AMPD3: variants seen among roughly 807,000 people sequenced by gnomAD.
AMPD3 encodes AMP deaminase 3.
A neutral mutation model predicts 82.3 loss-of-function variants in AMPD3; 57 were observed. That is an observed-to-expected ratio of 0.69 (90% CI 0.56 to 0.86). AMPD3 has a LOEUF of 0.86. Ranked by LOEUF, AMPD3 falls within the 40% of genes least tolerant of loss-of-function variation. The pLI is 0.00. For missense variants in AMPD3, 870 were observed against 1,003.8 expected (o/e 0.87, Z 1.80); for synonymous variants, 381 against 394.7 (o/e 0.97, Z 0.41).
intron 12 of AMPD3, 131 bp from the exon 13 acceptor site, chr11:10,502,590 G>C (rs1254298748): frequency 6.3e-7 from 1 of 1,591,066 alleles, no homozygotes; most frequent in Non-Finnish European, 8.5e-7. Context: ...AACTCGGGTT[G>C]AGGACTTGGG....
At chr11:10,467,264 C>T (rs1389008787) in intron 2 of AMPD3, among the ~76,000 whole-genome samples, 4 of 151,888 alleles carry the variant, frequency 2.6e-5, no homozygotes, top group African/African-American at 9.7e-5. Flanking sequence ...AAGATAAGAA[C>T]CTTGAAAAAA....
upstream of AMPD3, among the ~76,000 whole-genome samples, chr11:10,452,171 G>T (rs1847979158): frequency 6.7e-6 from 1 of 148,494 alleles, no homozygotes; most frequent in African/African-American, 2.4e-5. Flanking sequence ...GAGAGATGAG[G>T]TTTTTTGTAG....
Position 10,478,617 on chromosome 11 carries a change from G to A in AMPD3, c.313G>A (p.Ala105Thr). 1 of 1,614,212 alleles carries A rather than the reference G, an allele frequency of 6.2e-7. No individual in the cohort carries two copies. The highest frequency in any genetic ancestry group is 8.5e-7 in the Non-Finnish European group (1 of 1,180,036). The part of the protein sequence containing the change: ...DWKGPPAASP[A>T]MSPTTPVVTG... ...GAAGGGCCCCCCGGCAGCCAGTCCGGCCATGTCTCCCACAACCCCTGTGGT... is the reference window on the plus strand; with the variant it reads ...GAAGGGCCCCCCGGCAGCCAGTCCGACCATGTCTCCCACAACCCCTGTGGT... The change falls in exon 3 of 15, where the codon GCC becomes ACC. Residue 105 changes from alanine (A) to threonine (T), a missense_variant. Coordinates refer to ENST00000396553, the MANE Select transcript of AMPD3 (RefSeq NM_001025389.2).
intron 12 of AMPD3, 26 bp downstream of exon 12, chr11:10,501,616 G>C (rs768503099): frequency 6.2e-7 from 1 of 1,614,050 alleles, no homozygotes; most frequent in East Asian, 2.2e-5. Flanking sequence ...TCGGGAGCCC[G>C]TCCTGAGTGA....
In AMPD3 at chr11:10,478,615, C is replaced by T. The variant is rs770661067; in HGVS notation, c.311C>T (p.Pro104Leu). ...QDWKGPPAAS[P>L]AMSPTTPVVT... ...TGGAAGGGCCCCCCGGCAGCCAGTC[C>T]GGCCATGTCTCCCACAACCCCTGTG... The change falls in exon 3 of 15, where the codon CCG becomes CTG. Residue 104 changes from proline to leucine, a missense_variant. By Grantham distance (98) the Pro-to-Leu change is moderately conservative. Transcript: ENST00000396553. The T allele has an allele frequency of 1.1e-5, 17 of 1,614,228 alleles. No individual in the cohort carries two copies. The highest frequency in any genetic ancestry group is 2.2e-5 in the East Asian group (1 of 44,878).
At chr11:10,493,958 A>G (rs1389696319) in intron 7 of AMPD3, among the ~76,000 whole-genome samples, 2 of 152,256 alleles carry the variant, frequency 1.3e-5, no homozygotes, top group Admixed American at 6.5e-5. Context: ...AGAATTACCT[A>G]TGCCTCAGCA....
At chr11:10,471,596 C>T (rs944624643) in intron 2 of AMPD3, among the ~76,000 whole-genome samples, 2 of 152,180 alleles carry the variant, frequency 1.3e-5, no homozygotes, top group Non-Finnish European at 2.9e-5. Context: ...AGAACTTAAA[C>T]AAATTTACAA....
In AMPD3 at chr11:10,490,618, G is replaced by A. The variant is rs1387170506; in HGVS notation, c.940-2731G>A. On this transcript the variant is annotated intron_variant, in intron 6 of 14. Coordinates refer to ENST00000396553, the MANE Select transcript of AMPD3 (RefSeq NM_001025389.2). ...TTGTTCCTAAAATAATCACCCTTGAGTTCTGAAGTTTGGATGGGGTGCTTC... is the reference window on the plus strand; with the variant it reads ...TTGTTCCTAAAATAATCACCCTTGAATTCTGAAGTTTGGATGGGGTGCTTC... 23 of 985,270 alleles carry A rather than the reference G, an allele frequency of 2.3e-5. No individual in the cohort carries two copies. The Middle Eastern group carries it at 3.1e-3, about 133-fold the overall frequency. 61.0% of individuals were successfully genotyped at this position (985,270 alleles called of 1,614,324 possible).
rs76099914 is a variant in AMPD3, at chr11:10,465,284, A to G, written c.221+3544A>G. ...CACACCTCTGAGATCATAACTGGAT[A>G]ATACAGTGATGATCCTGGGTCATTG... On this transcript the variant is annotated intron_variant, in intron 2 of 14. Coordinates refer to ENST00000396553, the MANE Select transcript of AMPD3 (RefSeq NM_001025389.2). 8.1e-3 allele frequency among the ~76,000 whole-genome samples: 1,231 copies of G among 152,360 alleles called. 20 individuals carry two copies. Among genetic ancestry groups the G allele is most frequent in the African/African-American group, 0.028 (1,170 of 41,582 alleles).
chr11:10,500,145 C>T lies in AMPD3; in HGVS notation c.1617C>T (p.Asp539=), dbSNP rs769149833. The T allele has an allele frequency of 8.1e-6, 13 of 1,614,098 alleles. No individual in the cohort carries two copies. Among genetic ancestry groups the T allele is most frequent in the Middle Eastern group, 1.6e-4 (1 of 6,084 alleles). Residue 539 remains aspartate (D), a synonymous_variant, in exon 11 of 15, where the codon GAC becomes GAT. Coordinates refer to ENST00000396553, the MANE Select transcript of AMPD3 (RefSeq NM_001025389.2). ...AGCACAGCGACCACATGTTTTCCGA[C>T]AAGAGCCCAAACCCGGACGTCTGGA... ...ESKHSDHMFS[D]KSPNPDVWTS... is the part of the protein sequence containing the mutation.
intron 13 of AMPD3, chr11:10,504,288 T>G: frequency 1.1e-6 from 1 of 916,986 alleles, no homozygotes; most frequent in Non-Finnish European, 1.3e-6. Flanking sequence ...CCCTGATGAC[T>G]GGCACAGGGT....
chr11:10,462,714 TG>T (rs903220882), intron 2 of AMPD3, among the ~76,000 whole-genome samples: 1 of 151,572 alleles, frequency 6.6e-6, no homozygotes, highest in Non-Finnish European at 1.5e-5. Flanking sequence ...AAGGATGAGA[TG>T]GGGTTAGGGG....
chr11:10,468,670 C>A (rs991287320), intron 2 of AMPD3, among the ~76,000 whole-genome samples: 1 of 151,388 alleles, frequency 6.6e-6, no homozygotes, highest in Non-Finnish European at 1.5e-5. Context: ...AAGCTCCAAC[C>A]CAAATCAACA....
chr11:10,477,957 C>T lies in AMPD3; in HGVS notation c.222-569C>T, dbSNP rs903145457. ...TAGTCCACGGTCCTGAGCACTGTCT[C>T]GACTCCTTTGTAAAACAAGGAGATT... On this transcript the variant is annotated intron_variant, in intron 2 of 14. Transcript: ENST00000396553. The T allele has an allele frequency of 6.1e-6, 6 of 985,326 alleles. No individual in the cohort carries two copies. In the African/African-American group the frequency reaches 7.0e-5, roughly 11 times the overall value. 61.0% of individuals were successfully genotyped at this position (985,326 alleles called of 1,614,324 possible). A position where few individuals can be genotyped will look rare whatever the true frequency, so the allele number is the denominator to read the frequency against.
chr11:10,487,407 C>A, intron 6 of AMPD3, 43 bp downstream of exon 6: 2 of 1,611,840 alleles, frequency 1.2e-6, no homozygotes, highest in Non-Finnish European at 1.7e-6. Flanking sequence ...ACCCGGTCCC[C>A]CTCCCAGCCC....
In AMPD3 at chr11:10,495,037, G is replaced by T; in HGVS notation, c.1266+7G>T. 6.2e-7 allele frequency: 1 copy of T among 1,614,132 alleles called. No homozygotes were observed. The highest frequency in any genetic ancestry group is 1.1e-5 in the South Asian group (1 of 91,076). ...CTTTGCTCGGATGGTCAAGGTGAGT[G>T]AACCCTCAGTCTCTCTGAGGCCTCT... is the stretch of plus-strand genomic sequence containing the variant. On this transcript the variant is annotated splice_region_variant and intron_variant, in intron 8 of 14. Transcript: ENST00000396553.
intron 10 of AMPD3, among the ~76,000 whole-genome samples, chr11:10,497,311 A>G (rs16907891): frequency 0.064 from 9,731 of 151,894 alleles, 532 homozygotes; most frequent in African/African-American, 0.15. Context: ...TCGGAAATGC[A>G]AACACTTCAA....
chr11:10,504,092 A>G (rs1849649484), intron 13 of AMPD3: 1 of 930,850 alleles, frequency 1.1e-6, no homozygotes, highest in Non-Finnish European at 1.3e-6. Context: ...TTGATGTTCC[A>G]TCTCTGCTTT....
intron 2 of AMPD3, among the ~76,000 whole-genome samples, chr11:10,474,032 C>T (rs1270068179): frequency 6.6e-6 from 1 of 152,130 alleles, no homozygotes; most frequent in Non-Finnish European, 1.5e-5. Context: ...CCCCTCTGAC[C>T]CCATTGCTCC....
Sources: allele counts gnomAD v4.1 joint callset (sites outside exome capture counted in the v4.1 genomes callset), GRCh38; gene constraint gnomAD v4.1.1; transcripts MANE v1.5; gene names NCBI Gene and HGNC (gene_info 2026-07-23, HGNC 2026-07-21).